The following PLAC9 variants were observed in gnomAD, a reference collection of about 807,000 sequenced individuals.
PLAC9 encodes the protein placenta associated 9.
Under a neutral mutation model 11.5 loss-of-function variants are expected in PLAC9, and 12 were observed. The ratio of observed to expected loss-of-function variants is 1.05; its 90% confidence interval spans 0.67 to 1.69. The LOEUF (loss-of-function observed/expected upper bound fraction) is 1.69. Among genes scored for constraint, PLAC9 ranks in the 40% most tolerant of loss-of-function variants. The probability of loss-of-function intolerance (pLI) is 0.00; values close to 1 mark genes in which losing one functional copy is unlikely to be tolerated. For synonymous variants in PLAC9, 62 were observed against 58.1 expected, an observed-to-expected ratio of 1.07 and a Z score of -0.31; for missense variants, 132 against 130.5, an observed-to-expected ratio of 1.01 and a Z score of -0.06.
At chr10:80,139,697 G>T (rs1279599906) in intron 1 of PLAC9, among the ~76,000 whole-genome samples, 1 of 152,146 alleles carries the variant, frequency 6.6e-6, no homozygotes, top group African/African-American at 2.4e-5. Context: ...GGGGAGGGGG[G>T]TCGTTGATTT....
chr10:80,132,756 C>A lies in PLAC9; in HGVS notation c.-7C>A. 6.8e-7 allele frequency: 1 copy of A among 1,472,224 alleles called. No individual in the cohort carries two copies. The highest frequency in any genetic ancestry group is 8.9e-7 in the Non-Finnish European group (1 of 1,120,366). 91.2% of individuals were successfully genotyped at this position (1,472,224 alleles called of 1,614,324 possible). A position where few individuals can be genotyped will look rare whatever the true frequency, so the allele number is the denominator to read the frequency against. On this transcript the variant is annotated 5_prime_UTR_variant, in exon 1 of 4. Transcript: ENST00000372263. Reference sequence around the variant, plus strand: ...GACGCGGCGCTGCGCTCGGCCAGGCCGGCACCATGCGGCCCCTGCTCTGCG... The same window carrying A: ...GACGCGGCGCTGCGCTCGGCCAGGCAGGCACCATGCGGCCCCTGCTCTGCG...
At position 80,142,747 on chromosome 10, in the gene PLAC9, CTCTG is replaced by C. The variant is rs1403122815; in HGVS notation, c.162+576_162+579del. On this transcript the variant is annotated intron_variant, in intron 2 of 3. Coordinates refer to ENST00000372263, the MANE Select transcript of PLAC9 (RefSeq NM_001012973.3). The stretch of plus-strand genomic sequence containing the variant: ...CATTTTATTTTTTTTGAGGCAGGGT[CTCTG>C]TCTGTCTACCAGGCTGGAGTGCCGT... 6.6e-5 allele frequency among the ~76,000 whole-genome samples: 10 copies of C among 152,164 alleles called. No homozygotes were observed. In the East Asian group the frequency reaches 1.2e-3, roughly 18 times the overall value.
Position 80,135,006 on chromosome 10 carries a change from G to GTTTTTTTATTTA in PLAC9, c.64+2183_64+2184insTTTTATTTATTT, listed in dbSNP as rs1437009111. Among the ~76,000 whole-genome samples, 88 of 98,930 alleles carry GTTTTTTTATTTA rather than the reference G, an allele frequency of 8.9e-4. 1 individual carries two copies. The highest frequency in any genetic ancestry group is 9.5e-3 in the Middle Eastern group (2 of 210). 64.9% of individuals were successfully genotyped at this position (98,930 alleles called of 152,430 possible). ...CACGTCCAACTTCCAACCTTGGTTTGTTTGTTTGTTTATTTATTTATTTAT... is the reference window on the plus strand; with the variant it reads ...CACGTCCAACTTCCAACCTTGGTTTGTTTTTTTATTTATTTGTTTGTTTATTTATTTATTTAT... On this transcript the variant is annotated intron_variant, in intron 1 of 3. Transcript: ENST00000372263.
intron 1 of PLAC9, among the ~76,000 whole-genome samples, chr10:80,133,630 G>T (rs1009822598): frequency 2.6e-5 from 4 of 152,142 alleles, no homozygotes; most frequent in African/African-American, 9.7e-5. Context: ...AGAGCTGTGC[G>T]GAGGAGAGAG....
chr10:80,144,808 G>A (rs148022488), intron 3 of PLAC9, 92 bp from the exon 4 acceptor site: 47,589 of 1,313,002 alleles, frequency 0.036, 970 homozygotes, highest in Middle Eastern at 0.049. Flanking sequence ...CCTGGGGGCC[G>A]GGGAGGGAAG....
chr10:80,141,037 G>A (rs1845034616), intron 1 of PLAC9, among the ~76,000 whole-genome samples: 1 of 152,116 alleles, frequency 6.6e-6, no homozygotes, highest in Admixed American at 6.5e-5. Context: ...TGTTGGAGAG[G>A]TTAAGTTAGC....
At chr10:80,140,999 T>C (rs1845034213) in intron 1 of PLAC9, among the ~76,000 whole-genome samples, 1 of 152,186 alleles carries the variant, frequency 6.6e-6, no homozygotes, top group Admixed American at 6.5e-5. Context: ...TCAGTTTTCC[T>C]ACGTGTAGAT....
In PLAC9 at chr10:80,132,758, G is replaced by T; in HGVS notation, c.-5G>T. 1 of 1,473,974 alleles carries T rather than the reference G, an allele frequency of 6.8e-7. No individual in the cohort carries two copies. Among genetic ancestry groups the T allele is most frequent in the Non-Finnish European group, 8.9e-7 (1 of 1,121,170 alleles). The allele number at this position is 1,473,974 out of a possible 1,614,324, so 91.3% of individuals were successfully genotyped here. A position where few individuals can be genotyped will look rare whatever the true frequency, so the allele number is the denominator to read the frequency against. On this transcript the variant is annotated 5_prime_UTR_variant, in exon 1 of 4. Transcript: ENST00000372263. Reference sequence around the variant, plus strand: ...CGCGGCGCTGCGCTCGGCCAGGCCGGCACCATGCGGCCCCTGCTCTGCGCG... The same window carrying T: ...CGCGGCGCTGCGCTCGGCCAGGCCGTCACCATGCGGCCCCTGCTCTGCGCG...
upstream of PLAC9, chr10:80,132,528 C>G (rs546227396): frequency 6.9e-6 from 3 of 434,652 alleles, no homozygotes; most frequent in Non-Finnish European, 8.1e-6. Flanking sequence ...GCCCCTTCCT[C>G]GGGAGGCGCC....
intron 3 of PLAC9, among the ~76,000 whole-genome samples, 162 bp downstream of exon 3, chr10:80,144,505 CCCG>C (rs538483413): frequency 6.9e-6 from 1 of 145,486 alleles, no homozygotes; most frequent in South Asian, 2.4e-4. Flanking sequence ...ATCCCTGCTC[CCCG>C]CCCGCCCCGC....
intron 1 of PLAC9, among the ~76,000 whole-genome samples, chr10:80,135,273 C>T (rs1012766373): frequency 4.7e-5 from 7 of 149,898 alleles, no homozygotes; most frequent in Admixed American, 6.7e-5. Context: ...TTGCCCGCCT[C>T]GGCCTCCCAA....
chr10:80,132,635 C>A, upstream of PLAC9: 1 of 723,510 alleles, frequency 1.4e-6, no homozygotes, highest in Non-Finnish European at 2.0e-6. Context: ...TTCTCTCGAG[C>A]CAGAAAGTCC....
chr10:80,144,230 A>C lies in PLAC9; in HGVS notation c.170A>C (p.Glu57Ala), dbSNP rs140210631. Reference sequence around the variant, plus strand: ...CCCCACTTCCCACTCTAGATGGTAGAGAAGACCGTGGATCACCTGGGGACA... The same window carrying C: ...CCCCACTTCCCACTCTAGATGGTAGCGAAGACCGTGGATCACCTGGGGACA... ...RRLDVMEEMV[E>A]KTVDHLGTEV... The change falls in exon 3 of 4, where the codon GAG (glutamate) becomes GCG (alanine). Residue 57 changes from glutamate to alanine, a missense_variant. By Grantham distance (107) the Glu-to-Ala change is moderately radical. Transcript: ENST00000372263. The C allele has an allele frequency of 1.3e-4, 209 of 1,614,186 alleles. 2 individuals are homozygous for C. The African/African-American group carries it at 2.4e-3, about 19-fold the overall frequency.
At chr10:80,134,265 C>CTTTTTTTT (rs559784722) in intron 1 of PLAC9, among the ~76,000 whole-genome samples, 1 of 134,642 alleles carries the variant, frequency 7.4e-6, no homozygotes, top group African/African-American at 2.7e-5. Flanking sequence ...TTCTTTCTTT[C>CTTTTTTTT]TTTTTTTTTT....
chr10:80,136,245 GC>G (rs1844973976), intron 1 of PLAC9, among the ~76,000 whole-genome samples: 1 of 152,122 alleles, frequency 6.6e-6, no homozygotes, highest in African/African-American at 2.4e-5. Flanking sequence ...TGCACATCAG[GC>G]CCCTAGCAGG....
intron 2 of PLAC9, 63 bp downstream of exon 2, chr10:80,142,242 G>A: frequency 7.4e-7 from 1 of 1,357,648 alleles, no homozygotes; most frequent in Non-Finnish European, 1.0e-6. Context: ...GTGTTTTTAT[G>A]GGCAGATGCA....
chr10:80,145,018 A>T lies in PLAC9; in HGVS notation c.*108A>T. 7.2e-7 allele frequency: 1 copy of T among 1,390,756 alleles called. No homozygotes were observed. Among genetic ancestry groups the T allele is most frequent in the Non-Finnish European group, 1.0e-6 (1 of 1,001,338 alleles). The allele number at this position is 1,390,756 out of a possible 1,614,324, so 86.2% of individuals were successfully genotyped here. A position where few individuals can be genotyped will look rare whatever the true frequency, so the allele number is the denominator to read the frequency against. ...CTTCCTTAGCTTCATGTGAAATAAA[A>T]GCTATTCTGGTCTCCTCTGTGTCTG... On this transcript the variant is annotated 3_prime_UTR_variant, in exon 4 of 4. Transcript: ENST00000372263.
chr10:80,134,255 T>C (rs1374233766), intron 1 of PLAC9, among the ~76,000 whole-genome samples: 1 of 145,406 alleles, frequency 6.9e-6, no homozygotes, highest in Non-Finnish European at 1.5e-5. Flanking sequence ...TTTTCTTTCT[T>C]TCTTTCTTTC....
chr10:80,144,224 T>C lies in PLAC9; in HGVS notation c.164T>C (p.Met55Thr). 1 of 1,614,038 alleles carries C rather than the reference T, an allele frequency of 6.2e-7. No homozygotes were observed. Among genetic ancestry groups the C allele is most frequent in the Non-Finnish European group, 8.5e-7 (1 of 1,179,940 alleles). ...ACTTTACCCCACTTCCCACTCTAGA[T>C]GGTAGAGAAGACCGTGGATCACCTG... ...VQRRLDVMEE[M>T]VEKTVDHLGT... The change falls in exon 3 of 4, where the codon ATG (methionine) becomes ACG (threonine). Residue 55 changes from methionine to threonine, a missense_variant and splice_region_variant. Coordinates refer to ENST00000372263, the MANE Select transcript of PLAC9 (RefSeq NM_001012973.3).
Sources: gnomAD v4.1 joint callset for allele counts (sites outside exome capture counted in the v4.1 genomes callset) on GRCh38, gnomAD v4.1.1 for gene constraint, MANE v1.5 for transcripts, NCBI Gene and HGNC (gene_info 2026-07-23, HGNC 2026-07-21) for gene names.